The following DUSP13B variants were observed in gnomAD, a reference collection of about 807,000 sequenced individuals.
DUSP13B encodes the protein dual specificity phosphatase 13B, also known as dual specificity protein phosphatase 13B.
chr10:75,097,919 C>G, the DUSP13B span: 2 of 1,526,608 alleles, frequency 1.3e-6, no homozygotes, highest in Non-Finnish European at 1.8e-6. Flanking sequence ...TGGCTGGAGG[C>G]AGGCTCCCAG....
the DUSP13B span, chr10:75,095,661 T>C: frequency 1.2e-6 from 2 of 1,614,198 alleles, no homozygotes; most frequent in East Asian, 4.5e-5. Flanking sequence ...GTCGTCCGCC[T>C]CGATGCCATA....
the DUSP13B span, chr10:75,097,723 G>A: frequency 6.3e-7 from 1 of 1,580,680 alleles, no homozygotes; most frequent in Non-Finnish European, 8.6e-7. Context: ...CATCTCCCAG[G>A]AAGAGGCTGG....
chr10:75,100,113 G>A, the DUSP13B span, among the ~76,000 whole-genome samples: 2 of 152,230 alleles, frequency 1.3e-5, no homozygotes, highest in South Asian at 4.2e-4. Context: ...ATGGGGTGAG[G>A]CTGCCCCCTG....
the DUSP13B span, chr10:75,105,688 C>G: frequency 1.3e-6 from 2 of 1,549,776 alleles, no homozygotes; most frequent in East Asian, 4.9e-5. Flanking sequence ...GCCGGCACCC[C>G]GCAGTTGCTG....
the DUSP13B span, chr10:75,094,857 G>A: frequency 1.2e-6 from 2 of 1,614,114 alleles, no homozygotes; most frequent in South Asian, 1.1e-5. Context: ...TACCCCCATG[G>A]CACAGTGTAC....
At chr10:75,105,644 G>GC in the DUSP13B span, 1 of 1,545,580 alleles carries the variant, frequency 6.5e-7, no homozygotes, top group Non-Finnish European at 8.7e-7. Context: ...ATCCAGCTTT[G>GC]CCCCCTGAGG....
At chr10:75,106,101 CTTTTTTT>C in the DUSP13B span, among the ~76,000 whole-genome samples, 1 of 123,022 alleles carries the variant, frequency 8.1e-6, no homozygotes, top group Non-Finnish European at 1.7e-5. Flanking sequence ...TCTTTCTTTT[CTTTTTTT>C]TTTTTTTTTT....
the DUSP13B span, among the ~76,000 whole-genome samples, chr10:75,097,279 G>T: frequency 1.3e-4 from 20 of 152,132 alleles, no homozygotes; most frequent in African/African-American, 4.8e-4. Context: ...CACGATCTCG[G>T]CTCACTGCAA....
the DUSP13B span, among the ~76,000 whole-genome samples, chr10:75,101,093 A>G: frequency 3.9e-5 from 6 of 152,104 alleles, no homozygotes; most frequent in East Asian, 1.2e-3. Context: ...GAGTGTGGGG[A>G]GAAGGCCTGC....
At chr10:75,095,735 G>A in the DUSP13B span, 37 of 1,614,114 alleles carry the variant, frequency 2.3e-5, no homozygotes, top group East Asian at 2.0e-4. Context: ...TGCCTGCAGC[G>A]GCATTCACAA....
the DUSP13B span, among the ~76,000 whole-genome samples, chr10:75,100,522 G>C: frequency 6.6e-6 from 1 of 152,118 alleles, no homozygotes; most frequent in African/African-American, 2.4e-5. Context: ...CTTGGTCTTC[G>C]GAGGGCCCTG....
chr10:75,097,966 G>A, the DUSP13B span: 1 of 1,266,744 alleles, frequency 7.9e-7, no homozygotes, highest in East Asian at 2.6e-5. Context: ...CCATGGTGCA[G>A]TGCCTAGGTG....
chr10:75,105,748 C>CG, the DUSP13B span: 3 of 1,554,118 alleles, frequency 1.9e-6, no homozygotes, highest in Non-Finnish European at 2.6e-6. Flanking sequence ...GAAGACCCAT[C>CG]GGTGCTGCCT....
the DUSP13B span, among the ~76,000 whole-genome samples, chr10:75,106,031 G>C: frequency 6.6e-6 from 1 of 152,054 alleles, no homozygotes; most frequent in East Asian, 1.9e-4. Context: ...TCGGTAAAAT[G>C]GGTAGATCAA....
At chr10:75,095,563 C>G in the DUSP13B span, 1 of 1,611,956 alleles carries the variant, frequency 6.2e-7, no homozygotes. Context: ...CATGCCTGAT[C>G]CAGAAGTGCA....
the DUSP13B span, among the ~76,000 whole-genome samples, chr10:75,107,778 T>C: frequency 6.6e-6 from 1 of 152,208 alleles, no homozygotes; most frequent in Non-Finnish European, 1.5e-5. Flanking sequence ...GGTTTCACCG[T>C]GTTGGCCAGG....
chr10:75,108,891 TG>T, the DUSP13B span: 1 of 1,350,838 alleles, frequency 7.4e-7, no homozygotes, highest in Non-Finnish European at 9.8e-7. Flanking sequence ...GTCCCTGGCC[TG>T]GGATGGTCAG....
the DUSP13B span, among the ~76,000 whole-genome samples, chr10:75,097,266 T>G: frequency 6.6e-6 from 1 of 152,104 alleles, no homozygotes; most frequent in Non-Finnish European, 1.5e-5. Context: ...TGGAGTGCAG[T>G]GGCACGATCT....
the DUSP13B span, chr10:75,109,131 C>A: frequency 1.9e-6 from 3 of 1,605,960 alleles, no homozygotes; most frequent in African/African-American, 1.3e-5. Flanking sequence ...CCTCTCCCCC[C>A]AGCTCTGGGA....
Sources: gnomAD v4.1 joint callset for allele counts (sites outside exome capture counted in the v4.1 genomes callset) on GRCh38, gnomAD v4.1.1 for gene constraint, MANE v1.5 for transcripts, NCBI Gene and HGNC (gene_info 2026-07-23, HGNC 2026-07-21) for gene names.